PABPC4L: variants seen among roughly 807,000 people sequenced by gnomAD.
PABPC4L encodes poly(A) binding protein cytoplasmic 4 like.
For missense variants in PABPC4L, 452 were observed against 451.4 expected (o/e 1.00, Z -0.01); for synonymous variants, 169 against 164.1 (o/e 1.03, Z -0.23).
chr4:133,968,701 G>T, the PABPC4L span, among the ~76,000 whole-genome samples: 1 of 151,870 alleles, frequency 6.6e-6, no homozygotes, highest in Non-Finnish European at 1.5e-5. Flanking sequence ...AAGAAAAAAA[G>T]AAAAAAATAA....
chr4:134,154,310 T>C, the PABPC4L span, among the ~76,000 whole-genome samples: 695 of 151,994 alleles, frequency 4.6e-3, 9 homozygotes, highest in African/African-American at 0.016. Flanking sequence ...ACAAAAATTA[T>C]CTAGGCGTGG....
chr4:133,948,677 C>T, the PABPC4L span, among the ~76,000 whole-genome samples: 1 of 152,156 alleles, frequency 6.6e-6, no homozygotes, highest in Admixed American at 6.5e-5. Flanking sequence ...AGCCAACATA[C>T]AACACATTCT....
the PABPC4L span, among the ~76,000 whole-genome samples, chr4:134,149,604 C>T: frequency 1.3e-5 from 2 of 152,116 alleles, no homozygotes; most frequent in Admixed American, 1.3e-4. Context: ...GGTTATACAA[C>T]TGGCAAGGGT....
the PABPC4L span, among the ~76,000 whole-genome samples, chr4:134,138,903 T>C: frequency 6.6e-6 from 1 of 151,866 alleles, no homozygotes; most frequent in Non-Finnish European, 1.5e-5. Context: ...ATATCAAATC[T>C]CTATTGTCTA....
At chr4:133,977,884 A>T in the PABPC4L span, 1 of 152,200 alleles carries the variant, frequency 6.6e-6, no homozygotes, top group African/African-American at 2.4e-5. Flanking sequence ...CACTAATATA[A>T]CATTTGTTTT....
chr4:134,174,680 G>A, the PABPC4L span, among the ~76,000 whole-genome samples: 1 of 152,076 alleles, frequency 6.6e-6, no homozygotes, highest in Non-Finnish European at 1.5e-5. Flanking sequence ...ATGTTTATAT[G>A]TGTCTGCGGT....
chr4:134,153,386 A>G, the PABPC4L span, among the ~76,000 whole-genome samples: 1 of 152,014 alleles, frequency 6.6e-6, no homozygotes, highest in Non-Finnish European at 1.5e-5. Context: ...AAATATACCA[A>G]TAGACCAAGA....
At chr4:134,045,480 G>A in the PABPC4L span, among the ~76,000 whole-genome samples, 1 of 152,242 alleles carries the variant, frequency 6.6e-6, no homozygotes, top group South Asian at 2.1e-4. Context: ...GAGAACTGAA[G>A]TGTACACATA....
chr4:134,037,478 A>G, the PABPC4L span, among the ~76,000 whole-genome samples: 1 of 152,252 alleles, frequency 6.6e-6, no homozygotes, highest in South Asian at 2.1e-4. Context: ...TGGTGTGCCA[A>G]GGACTTTATA....
At chr4:134,113,202 C>T in the PABPC4L span, among the ~76,000 whole-genome samples, 1 of 151,744 alleles carries the variant, frequency 6.6e-6, no homozygotes, top group Non-Finnish European at 1.5e-5. Flanking sequence ...TTACAGTCAG[C>T]TAACGTTAAA....
chr4:134,078,417 T>A, the PABPC4L span, among the ~76,000 whole-genome samples: 1 of 152,026 alleles, frequency 6.6e-6, no homozygotes, highest in Non-Finnish European at 1.5e-5. Flanking sequence ...AAAAAGAAAA[T>A]GAAACTACTG....
At chr4:134,078,211 A>G in the PABPC4L span, among the ~76,000 whole-genome samples, 1 of 152,180 alleles carries the variant, frequency 6.6e-6, no homozygotes, top group East Asian at 1.9e-4. Context: ...GAATTAGTTC[A>G]CCCATGTTCA....
chr4:134,006,503 A>C, the PABPC4L span, among the ~76,000 whole-genome samples: 1 of 151,868 alleles, frequency 6.6e-6, no homozygotes, highest in Admixed American at 6.6e-5. Context: ...CTAGAAAGTG[A>C]GTGGGCAGCC....
At chr4:134,174,035 T>C in the PABPC4L span, among the ~76,000 whole-genome samples, 1 of 152,120 alleles carries the variant, frequency 6.6e-6, no homozygotes, top group Non-Finnish European at 1.5e-5. Context: ...TTTATATCCT[T>C]ATTCAATAAG....
At chr4:134,187,735 T>C in the PABPC4L span, among the ~76,000 whole-genome samples, 2 of 152,116 alleles carry the variant, frequency 1.3e-5, no homozygotes, top group African/African-American at 4.8e-5. Flanking sequence ...TTAATGTAGA[T>C]ACTCCCTCTT....
At chr4:134,150,178 G>A in the PABPC4L span, among the ~76,000 whole-genome samples, 1 of 151,678 alleles carries the variant, frequency 6.6e-6, no homozygotes, top group East Asian at 2.0e-4. Context: ...CGCCTCCCGG[G>A]TTCAAGCGAT....
the PABPC4L span, among the ~76,000 whole-genome samples, chr4:133,959,831 G>A: frequency 1.3e-5 from 2 of 152,302 alleles, no homozygotes; most frequent in East Asian, 1.9e-4. Context: ...GTTTGGCTAT[G>A]TTCAAGTCTT....
chr4:134,133,706 A>G, the PABPC4L span, among the ~76,000 whole-genome samples: 1 of 151,858 alleles, frequency 6.6e-6, no homozygotes, highest in Admixed American at 6.6e-5. Context: ...GAAGGGGTGT[A>G]AGGGACAAAA....
chr4:134,027,635 A>AT, the PABPC4L span, among the ~76,000 whole-genome samples: 1 of 151,996 alleles, frequency 6.6e-6, no homozygotes, highest in Non-Finnish European at 1.5e-5. Context: ...TGTATTTTTT[A>AT]TTTTTTGAGA....
Sources: gnomAD v4.1 joint callset for allele counts (sites outside exome capture counted in the v4.1 genomes callset) on GRCh38, gnomAD v4.1.1 for gene constraint, MANE v1.5 for transcripts, NCBI Gene and HGNC (gene_info 2026-07-23, HGNC 2026-07-21) for gene names.